The following INPP5K variants were observed in gnomAD, a reference collection of about 807,000 sequenced individuals.
The protein encoded by INPP5K is inositol polyphosphate 5-phosphatase K.
Under a neutral mutation model 53.5 loss-of-function variants are expected in INPP5K, and 35 were observed. That is an observed-to-expected ratio of 0.65 (90% confidence interval 0.50 to 0.87). The LOEUF (loss-of-function observed/expected upper bound fraction) is 0.87. Ranked by LOEUF, INPP5K falls within the 40% of genes least tolerant of loss-of-function variation. INPP5K has a pLI of 0.00. For synonymous variants in INPP5K, 253 were observed against 232.8 expected, an observed-to-expected ratio of 1.09 and a Z score of -0.79; for missense variants, 550 against 586.2, an observed-to-expected ratio of 0.94 and a Z score of 0.64.
At chr17:1,499,605 G>T (rs1415175497) in intron 7 of INPP5K, among the ~76,000 whole-genome samples, 1 of 152,178 alleles carries the variant, frequency 6.6e-6, no homozygotes, top group Non-Finnish European at 1.5e-5. Context: ...TCCTCCTCTA[G>T]GTAACTGAAG....
At chr17:1,504,584 G>C (rs1332038920) in intron 7 of INPP5K, among the ~76,000 whole-genome samples, 1 of 152,226 alleles carries the variant, frequency 6.6e-6, no homozygotes, top group African/African-American at 2.4e-5. Context: ...TACAGACACA[G>C]ATATGAGTTC....
At chr17:1,496,515 C>T (rs1322618181) in intron 9 of INPP5K, 113 bp from the exon 10 acceptor site, 9 of 1,322,280 alleles carry the variant, frequency 6.8e-6, no homozygotes, top group African/African-American at 4.3e-5. Context: ...TGTGCCTCCC[C>T]GCCGCCCTTC....
In INPP5K at chr17:1,496,361, C is replaced by T; in HGVS notation, c.1143G>A (p.Trp381Ter). Residue 381 changes from tryptophan to a stop codon, truncating the protein, a stop_gained, in exon 10 of 12, where the codon TGG becomes TGA. Coordinates refer to ENST00000421807, the MANE Select transcript of INPP5K (RefSeq NM_016532.4). LOFTEE classifies it high-confidence loss of function. ...RDVNDYVSYAWVGDSKVSCSD... is the reference protein window; with the variant it reads ...RDVNDYVSYA ...TGCAGGAGACCTTGCTGTCCCCGAC[C>T]CAGGCATAGGACACGTAGTCATTAA... 6.4e-7 allele frequency: 1 copy of T among 1,564,774 alleles called. No homozygotes were observed. The highest frequency in any genetic ancestry group is 1.2e-5 in the South Asian group (1 of 85,156).
chr17:1,497,330 G>A (rs895414306), intron 8 of INPP5K, among the ~76,000 whole-genome samples: 1 of 152,156 alleles, frequency 6.6e-6, no homozygotes, highest in African/African-American at 2.4e-5. Flanking sequence ...TAACAGCCAG[G>A]CGTGGTGGCG....
intron 1 of INPP5K, 33 bp from the exon 2 acceptor site, chr17:1,514,012 G>A (rs762264802): frequency 3.3e-6 from 5 of 1,505,456 alleles, no homozygotes; most frequent in Non-Finnish European, 4.6e-6. Context: ...AGTCATGGAG[G>A]AAGGAGGATA....
At position 1,497,980 on chromosome 17, in the gene INPP5K, C is replaced by T. The variant is rs772050379; in HGVS notation, c.919G>A (p.Gly307Ser). The change falls in exon 8 of 12, where the codon GGC becomes AGC. Residue 307 changes from glycine to serine, a missense_variant. By Grantham distance (56) the Gly-to-Ser change is moderately conservative. Transcript: ENST00000421807. ...LRGYSSHMTY[G>S]ISDHKPVSGT... ...GAGACAGGCTTGTGGTCGCTGATGC[C>T]GTACGTCATGTGGCTGCTGTAGCCC... 21 of 1,613,988 alleles carry T rather than the reference C, an allele frequency of 1.3e-5. No individual in the cohort carries two copies. The highest frequency in any genetic ancestry group is 3.3e-4 in the Middle Eastern group (2 of 6,084).
At chr17:1,500,600 C>T (rs957102583) in intron 7 of INPP5K, among the ~76,000 whole-genome samples, 19 of 152,136 alleles carry the variant, frequency 1.2e-4, no homozygotes, top group South Asian at 4.1e-4. Flanking sequence ...CTCCTGACCT[C>T]GTGATCTGCT....
At chr17:1,507,913 G>A (rs895063604) in intron 6 of INPP5K, among the ~76,000 whole-genome samples, 1 of 151,914 alleles carries the variant, frequency 6.6e-6, no homozygotes, top group African/African-American at 2.4e-5. Flanking sequence ...AGCACATCCA[G>A]GGTCTGTTAC....
chr17:1,502,079 G>A (rs545645867), intron 7 of INPP5K, among the ~76,000 whole-genome samples: 4 of 151,452 alleles, frequency 2.6e-5, no homozygotes, highest in African/African-American at 7.3e-5. Context: ...GCCAGGCACG[G>A]TGGCTCACGC....
chr17:1,503,477 C>T (rs1050360872), intron 7 of INPP5K, among the ~76,000 whole-genome samples: 1 of 152,126 alleles, frequency 6.6e-6, no homozygotes, highest in South Asian at 2.1e-4. Flanking sequence ...GCCACCGCAC[C>T]CGGCCACACC....
chr17:1,496,098 T>C lies in INPP5K; in HGVS notation c.1252A>G (p.Ser418Gly), dbSNP rs2074828420. The change falls in exon 11 of 12, where the codon AGT (serine) becomes GGT (glycine). Residue 418 changes from serine (S) to glycine (G), a missense_variant. Ser to Gly is a moderately conservative substitution (Grantham distance 56). Transcript: ENST00000421807. ...DEFLLCYYSN[S>G]LRSVVGISRP... ...CTTATCCCCACCACAGAACGCAGAC[T>C]GTTGCTGTAGTAACAGAGGAGAAAC... 6.2e-7 allele frequency: 1 copy of C among 1,613,270 alleles called. No individual in the cohort carries two copies.
chr17:1,500,404 G>A (rs2074977041), intron 7 of INPP5K, among the ~76,000 whole-genome samples: 1 of 146,202 alleles, frequency 6.8e-6, no homozygotes, highest in African/African-American at 2.5e-5. Context: ...TCGCTCTGTT[G>A]CCCAGGCTGG....
intron 9 of INPP5K, 119 bp downstream of exon 9, chr17:1,496,544 CAGA>C: frequency 7.0e-7 from 1 of 1,425,682 alleles, no homozygotes; most frequent in Admixed American, 1.8e-5. Flanking sequence ...CCTTTAGCTA[CAGA>C]AGAACCGCTG....
chr17:1,502,539 C>G (rs889369130), intron 7 of INPP5K, among the ~76,000 whole-genome samples: 1 of 151,286 alleles, frequency 6.6e-6, no homozygotes, highest in African/African-American at 2.4e-5. Flanking sequence ...CCCCCACCCC[C>G]CTTTTTTCCT....
intron 7 of INPP5K, among the ~76,000 whole-genome samples, chr17:1,500,331 C>T (rs536257621): frequency 5.9e-5 from 9 of 152,172 alleles, no homozygotes; most frequent in African/African-American, 9.6e-5. Flanking sequence ...AGGCCTTTGC[C>T]GAAACCATCC....
At chr17:1,512,104 G>A (rs1277954571) in intron 3 of INPP5K, among the ~76,000 whole-genome samples, 2 of 152,192 alleles carry the variant, frequency 1.3e-5, no homozygotes, top group Non-Finnish European at 2.9e-5. Flanking sequence ...ATTCTTGGCT[G>A]GGGAAAGAAG....
In INPP5K at chr17:1,496,539, A is replaced by C. The variant is rs756809281; in HGVS notation, c.1101+127T>G. 5.0e-6 allele frequency: 7 copies of C among 1,397,996 alleles called. No homozygotes were observed. In the African/African-American group the frequency reaches 9.9e-5, roughly 20 times the overall value. 86.6% of individuals were successfully genotyped at this position (1,397,996 alleles called of 1,614,324 possible). A position where few individuals can be genotyped will look rare whatever the true frequency, so the allele number is the denominator to read the frequency against. Reference sequence around the variant, plus strand: ...CCGCCGCCCTTCACTGCCAGCCTTTAGCTACAGAAGAACCGCTGGGGTGGA... The same window carrying C: ...CCGCCGCCCTTCACTGCCAGCCTTTCGCTACAGAAGAACCGCTGGGGTGGA... On this transcript the variant is annotated intron_variant, in intron 9 of 11. Coordinates refer to ENST00000421807, the MANE Select transcript of INPP5K (RefSeq NM_016532.4).
chr17:1,515,497 G>A (rs1475615500), intron 1 of INPP5K: 2 of 985,386 alleles, frequency 2.0e-6, no homozygotes, highest in Non-Finnish European at 1.2e-6. Flanking sequence ...AGCACAGAGC[G>A]GGCAGGAGCT....
rs2075258340 is a variant in INPP5K at position 1,509,589 on chromosome 17, G to A, written c.378+94C>T. ...CAAACATGCATTGGGCTGGACAGAGGACCAAGATTCCTTTCACTTCCTTTT... is the reference window on the plus strand; with the variant it reads ...CAAACATGCATTGGGCTGGACAGAGAACCAAGATTCCTTTCACTTCCTTTT... On this transcript the variant is annotated intron_variant, in intron 4 of 11. Transcript: ENST00000421807. 1.9e-5 allele frequency: 19 copies of A among 975,204 alleles called. No homozygotes were observed. The South Asian group carries it at 2.4e-4, about 12-fold the overall frequency. 60.4% of individuals were successfully genotyped at this position (975,204 alleles called of 1,614,324 possible). A position where few individuals can be genotyped will look rare whatever the true frequency, so the allele number is the denominator to read the frequency against.
Sources: gnomAD v4.1 joint callset for allele counts (sites outside exome capture counted in the v4.1 genomes callset) on GRCh38, gnomAD v4.1.1 for gene constraint, MANE v1.5 for transcripts, NCBI Gene and HGNC (gene_info 2026-07-23, HGNC 2026-07-21) for gene names.